FIGN: variants seen among roughly 807,000 people sequenced by gnomAD.
FIGN encodes the protein fidgetin.
Under a neutral mutation model 51.3 loss-of-function variants are expected in FIGN, and 11 were observed. The observed-to-expected ratio is 0.21, with a 90% confidence interval of 0.13 to 0.35. FIGN has a LOEUF of 0.35. Ranked by LOEUF, FIGN falls within the 10% of genes least tolerant of loss-of-function variation. FIGN has a pLI of 1.00. For synonymous variants in FIGN, 407 were observed against 363.2 expected (o/e 1.12, Z -1.37); for missense variants, 857 against 943.6 (o/e 0.91, Z 1.20).
At chr2:163,668,314 TGAA>T (rs1683817323) in intron 2 of FIGN, among the ~76,000 whole-genome samples, 2 of 152,092 alleles carry the variant, frequency 1.3e-5, no homozygotes, top group East Asian at 1.9e-4. Flanking sequence ...AAGTTCAAAC[TGAA>T]GAAGAACCAG....
rs571763603 is a variant in FIGN at position 163,614,338 on chromosome 2, T to C, written c.26-2532A>G. On this transcript the variant is annotated intron_variant, in intron 2 of 2. Coordinates refer to ENST00000333129, the MANE Select transcript of FIGN (RefSeq NM_018086.4). ...TCAACTGGAAATTATTAAGAGCAAATCACCAGGAACCAATCGCAAGTAATC... is the reference window on the plus strand; with the variant it reads ...TCAACTGGAAATTATTAAGAGCAAACCACCAGGAACCAATCGCAAGTAATC... Among the ~76,000 whole-genome samples the C allele has an allele frequency of 4.6e-5, 7 of 152,202 alleles. No homozygotes were observed. In the South Asian group the frequency reaches 1.4e-3, roughly 32 times the overall value.
At chr2:163,660,486 AACAT>A (rs932165786) in intron 2 of FIGN, among the ~76,000 whole-genome samples, 4 of 151,808 alleles carry the variant, frequency 2.6e-5, no homozygotes, top group Non-Finnish European at 5.9e-5. Context: ...TAATACCTGC[AACAT>A]ACAAAGAGAA....
intron 2 of FIGN, among the ~76,000 whole-genome samples, chr2:163,616,078 C>T (rs956988417): frequency 6.6e-6 from 1 of 152,082 alleles, no homozygotes. Flanking sequence ...ATGAACAAAT[C>T]CATATTTCCT....
At chr2:163,644,199 A>T (rs1300726895) in intron 2 of FIGN, among the ~76,000 whole-genome samples, 1 of 152,184 alleles carries the variant, frequency 6.6e-6, no homozygotes, top group African/African-American at 2.4e-5. Flanking sequence ...AAGGACTTGT[A>T]TTTAGAATAT....
intron 2 of FIGN, chr2:163,617,244 C>T (rs970936897): frequency 5.1e-6 from 5 of 984,272 alleles, no homozygotes; most frequent in Non-Finnish European, 6.0e-6. Flanking sequence ...ATCATTTTTA[C>T]CTAATTTTGT....
chr2:163,628,129 G>A (rs924746754), intron 2 of FIGN, among the ~76,000 whole-genome samples: 2 of 152,150 alleles, frequency 1.3e-5, no homozygotes, highest in Admixed American at 6.6e-5. Context: ...ACTATTATGT[G>A]AGAATCTTGC....
At chr2:163,611,919 CTT>C in intron 2 of FIGN, 113 bp from the exon 3 acceptor site, 1 of 486,016 alleles carries the variant, frequency 2.1e-6, no homozygotes, top group Admixed American at 5.4e-5. Context: ...GATATGCATA[CTT>C]TAAAAGATCT....
Position 163,610,190 on chromosome 2 carries a change from A to G in FIGN, c.1642T>C (p.Phe548Leu). 6.2e-7 allele frequency: 1 copy of G among 1,614,126 alleles called. No homozygotes were observed. The highest frequency in any genetic ancestry group is 8.5e-7 in the Non-Finnish European group (1 of 1,180,010). ...ACTAGTCCAGAACCGGCAATTTTGAAAAATGTGGCCCCCAGCTGACTAGCG... is the reference window on the plus strand; with the variant it reads ...ACTAGTCCAGAACCGGCAATTTTGAGAAATGTGGCCCCCAGCTGACTAGCG... ...CIASQLGATF[F>L]KIAGSGLVAK... The change falls in exon 3 of 3, where the codon TTC becomes CTC. Residue 548 changes from phenylalanine (F) to leucine (L), a missense_variant. Transcript: ENST00000333129.
intron 2 of FIGN, among the ~76,000 whole-genome samples, chr2:163,729,453 G>A (rs1050268062): frequency 1.3e-5 from 2 of 151,994 alleles, no homozygotes; most frequent in Non-Finnish European, 2.9e-5. Flanking sequence ...ATATTCTATA[G>A]TATAAAAAAC....
chr2:163,632,371 C>G (rs1174117447), intron 2 of FIGN, among the ~76,000 whole-genome samples: 1 of 152,180 alleles, frequency 6.6e-6, no homozygotes, highest in Admixed American at 6.5e-5. Flanking sequence ...TTCTTTTGCT[C>G]TCACTCTCTA....
At chr2:163,732,529 T>C (rs1484121836) in intron 2 of FIGN, among the ~76,000 whole-genome samples, 1 of 152,156 alleles carries the variant, frequency 6.6e-6, no homozygotes, top group Non-Finnish European at 1.5e-5. Context: ...AAAACGTCCA[T>C]TCCATGTGCA....
intron 2 of FIGN, among the ~76,000 whole-genome samples, chr2:163,647,913 A>G (rs1683407864): frequency 6.6e-6 from 1 of 152,160 alleles, no homozygotes; most frequent in African/African-American, 2.4e-5. Flanking sequence ...AAAGACTGTG[A>G]GAGCCTCAGA....
chr2:163,610,668 T>C lies in FIGN; in HGVS notation c.1164A>G (p.Gln388=). 6.2e-7 allele frequency: 1 copy of C among 1,614,220 alleles called. No individual in the cohort carries two copies. Among genetic ancestry groups the C allele is most frequent in the African/African-American group, 1.3e-5 (1 of 75,066 alleles). ...PTKQLMSSEQ[Q]RKFSSQSSRA... ...TACTGGACTGGCTGCTGAATTTCCT[T>C]TGCTGTTCAGAGGACATTAGCTGCT... Residue 388 remains glutamine (Q), a synonymous_variant, in exon 3 of 3, where the codon CAA becomes CAG. Coordinates refer to ENST00000333129, the MANE Select transcript of FIGN (RefSeq NM_018086.4).
intron 2 of FIGN, among the ~76,000 whole-genome samples, chr2:163,664,079 ATG>A (rs369506358): frequency 2.0e-4 from 30 of 152,212 alleles, no homozygotes; most frequent in Middle Eastern, 3.4e-3. Context: ...AATTGTAGGT[ATG>A]TGTGTGTCTA....
chr2:163,670,779 T>C (rs1683863111), intron 2 of FIGN, among the ~76,000 whole-genome samples: 1 of 152,178 alleles, frequency 6.6e-6, no homozygotes, highest in East Asian at 1.9e-4. Flanking sequence ...TTCTCAGCAA[T>C]TTAATATCTT....
At chr2:163,628,031 C>T (rs1253520301) in intron 2 of FIGN, among the ~76,000 whole-genome samples, 2 of 152,068 alleles carry the variant, frequency 1.3e-5, no homozygotes, top group African/African-American at 4.8e-5. Context: ...TAGCTTTTAC[C>T]ATCACTAGAA....
intron 2 of FIGN, among the ~76,000 whole-genome samples, chr2:163,641,916 G>A (rs1363552453): frequency 6.6e-6 from 1 of 152,134 alleles, no homozygotes; most frequent in African/African-American, 2.4e-5. Flanking sequence ...ACGCTCTTTA[G>A]ACCACTCAAG....
intron 2 of FIGN, among the ~76,000 whole-genome samples, chr2:163,652,914 T>C (rs538199350): frequency 3.7e-4 from 56 of 152,244 alleles, no homozygotes; most frequent in African/African-American, 1.3e-3. Flanking sequence ...CCAATTACTA[T>C]AGCGTGAGGA....
At chr2:163,678,707 A>G (rs1180371736) in intron 2 of FIGN, among the ~76,000 whole-genome samples, 1 of 152,216 alleles carries the variant, frequency 6.6e-6, no homozygotes, top group African/African-American at 2.4e-5. Context: ...TAAGCATTCC[A>G]TGACAGAGAC....
Sources: gnomAD v4.1 joint callset for allele counts (sites outside exome capture counted in the v4.1 genomes callset) on GRCh38, gnomAD v4.1.1 for gene constraint, MANE v1.5 for transcripts, NCBI Gene and HGNC (gene_info 2026-07-23, HGNC 2026-07-21) for gene names.